PCDHGA6: variants seen among roughly 807,000 people sequenced by gnomAD.
The protein encoded by PCDHGA6 is protocadherin gamma-A6.
In PCDHGA6, 41 loss-of-function variants were observed where a neutral mutation model predicts 60.6. That is an observed-to-expected ratio of 0.68 (90% confidence interval 0.53 to 0.88). The LOEUF is 0.88. Ranked by LOEUF, PCDHGA6 falls within the 40% of genes least tolerant of loss-of-function variation. PCDHGA6 has a pLI of 0.00. For synonymous variants in PCDHGA6, 594 were observed against 524.4 expected, an observed-to-expected ratio of 1.13 and a Z score of -1.81; for missense variants, 1,312 against 1,203.0, an observed-to-expected ratio of 1.09 and a Z score of -1.34.
rs765887978 is a variant in PCDHGA6 at position 141,486,476 on chromosome 5, C to T, written c.2425-8331C>T. The T allele has an allele frequency of 8.7e-6, 14 of 1,613,934 alleles. No homozygotes were observed. The highest frequency in any genetic ancestry group is 1.7e-5 in the Admixed American group (1 of 60,016). ...TGCTTCTGATGCTGGGAACCCTCCT[C>T]TCAGTACCCACAGAACTATTTTCCT... On this transcript the variant is annotated intron_variant, in intron 1 of 3. Transcript: ENST00000517434. This position sits in a 1 kb window ranked among gnomAD's most constrained non-coding sequence, Gnocchi z 5.0.
chr5:141,472,928 G>A (rs926768431), intron 1 of PCDHGA6, among the ~76,000 whole-genome samples: 13 of 150,136 alleles, frequency 8.7e-5, no homozygotes, highest in Admixed American at 2.7e-4. Flanking sequence ...GGAGGTTGTG[G>A]TGAGCCAAGA....
In PCDHGA6 at chr5:141,432,927, G is replaced by T. The variant is rs774982939; in HGVS notation, c.2424+56420G>T. ...AGGCTGCGGCGCTGGCACAAGTCAC[G>T]CCTGCTGCAGGCTTCAGGAGGCGGC... is the stretch of plus-strand genomic sequence containing the variant. On this transcript the variant is annotated intron_variant, in intron 1 of 3. Coordinates refer to ENST00000517434, the MANE Select transcript of PCDHGA6 (RefSeq NM_018919.3). This position sits in a 1 kb window ranked among gnomAD's most constrained non-coding sequence, Gnocchi z 6.0. 1.9e-6 allele frequency: 3 copies of T among 1,614,162 alleles called. No homozygotes were observed. In the Admixed American group the frequency reaches 5.0e-5, roughly 27 times the overall value.
chr5:141,388,007 G>A (rs2091194433), intron 1 of PCDHGA6: 1 of 1,480,702 alleles, frequency 6.8e-7, no homozygotes, highest in Non-Finnish European at 9.1e-7. Context: ...CCGAGGAAAT[G>A]CCCAAGGGCT....
chr5:141,413,456 T>C (rs2095643709), intron 1 of PCDHGA6: 30 of 1,613,982 alleles, frequency 1.9e-5, no homozygotes, highest in South Asian at 2.2e-5. Flanking sequence ...GCGGGCAGGA[T>C]AGACCGGGAG....
chr5:141,407,985 A>G, intron 1 of PCDHGA6: 1 of 789,616 alleles, frequency 1.3e-6, no homozygotes, highest in Non-Finnish European at 1.9e-6. Flanking sequence ...GGGATCCGTC[A>G]GCCTCTGGCC....
Position 141,512,495 on chromosome 5 carries a change from C to T in PCDHGA6, c.*1322C>T, listed in dbSNP as rs2099884264. 1 of 152,920 alleles carries T rather than the reference C, an allele frequency of 6.5e-6. No homozygotes were observed. The highest frequency in any genetic ancestry group is 1.5e-5 in the Non-Finnish European group (1 of 68,240). The allele number at this position is 152,920 out of a possible 1,614,324, so 9.5% of individuals were successfully genotyped here. A position where few individuals can be genotyped will look rare whatever the true frequency, so the allele number is the denominator to read the frequency against. On this transcript the variant is annotated 3_prime_UTR_variant, in exon 4 of 4. Coordinates refer to ENST00000517434, the MANE Select transcript of PCDHGA6 (RefSeq NM_018919.3). ...TTCCGTGAAGGCCACTGCCCAGGTCCCCAGTGCGCCCCCTAGTGGCCATAG... is the reference window on the plus strand; with the variant it reads ...TTCCGTGAAGGCCACTGCCCAGGTCTCCAGTGCGCCCCCTAGTGGCCATAG...
Position 141,485,244 on chromosome 5 carries a change from T to G in PCDHGA6, c.2425-9563T>G. 5 of 1,614,168 alleles carry G rather than the reference T, an allele frequency of 3.1e-6. No individual in the cohort carries two copies. Among genetic ancestry groups the G allele is most frequent in the Non-Finnish European group, 4.2e-6 (5 of 1,180,006 alleles). On this transcript the variant is annotated intron_variant, in intron 1 of 3. Transcript: ENST00000517434. This position sits in a 1 kb window ranked among gnomAD's most constrained non-coding sequence, Gnocchi z 5.7. Reference sequence around the variant, plus strand: ...ACCCTTTTGTTCCTCTTTTACCACCTGGGTTACGTTTGTGGGCAGATCCGC... The same window carrying G: ...ACCCTTTTGTTCCTCTTTTACCACCGGGGTTACGTTTGTGGGCAGATCCGC...
chr5:141,478,381 C>A (rs931860600), intron 1 of PCDHGA6: 1 of 1,613,664 alleles, frequency 6.2e-7, no homozygotes, highest in Admixed American at 1.7e-5. Flanking sequence ...TGTCGCCGCA[C>A]CTTTACCATC....
intron 1 of PCDHGA6, among the ~76,000 whole-genome samples, chr5:141,462,029 G>A (rs535977332): frequency 6.6e-6 from 1 of 152,260 alleles, no homozygotes; most frequent in East Asian, 1.9e-4. Context: ...CTTCATGTTG[G>A]TCAGGCGGGT....
chr5:141,499,677 T>C (rs2099793326), intron 2 of PCDHGA6, among the ~76,000 whole-genome samples: 1 of 151,690 alleles, frequency 6.6e-6, no homozygotes, highest in African/African-American at 2.4e-5. Flanking sequence ...CTCCACCATC[T>C]TTAACAGATG....
intron 1 of PCDHGA6, chr5:141,441,038 G>A (rs1263659082): frequency 6.6e-6 from 1 of 152,156 alleles, no homozygotes; most frequent in African/African-American, 2.4e-5. Context: ...AAAACTTTAA[G>A]TACATTGGAC....
intron 1 of PCDHGA6, chr5:141,407,996 TGG>T: frequency 1.1e-6 from 1 of 872,310 alleles, no homozygotes; most frequent in South Asian, 2.0e-5. Flanking sequence ...GCCTCTGGCC[TGG>T]GATTCCCTGC....
At chr5:141,379,214 T>A (rs1775449550) in intron 1 of PCDHGA6, 1 of 152,234 alleles carries the variant, frequency 6.6e-6, no homozygotes, top group Non-Finnish European at 1.5e-5. Flanking sequence ...CTGCTAAGAG[T>A]AATATGTGTT....
At chr5:141,443,330 C>A (rs1005631067) in intron 1 of PCDHGA6, among the ~76,000 whole-genome samples, 44 of 139,282 alleles carry the variant, frequency 3.2e-4, no homozygotes, top group African/African-American at 4.5e-4. Flanking sequence ...AAAAAAAAAA[C>A]AAAAATTAAC....
At position 141,376,374 on chromosome 5, in the gene PCDHGA6, G is replaced by GT. The variant is rs778102910; in HGVS notation, c.2292dup (p.Lys765Ter). 18 of 1,614,072 alleles carry GT rather than the reference G, an allele frequency of 1.1e-5. No homozygotes were observed. The highest frequency in any genetic ancestry group is 1.1e-4 in the East Asian group (5 of 44,894). On this transcript the variant is annotated frameshift_variant, in exon 1 of 4. Transcript: ENST00000517434. LOFTEE classifies it high-confidence loss of function. ...GAGGTCTCACTCACTGCAGACTCGCGTAAGAGTCATCTGATTTTCCCCCAG... is the reference window on the plus strand; with the variant it reads ...GAGGTCTCACTCACTGCAGACTCGCGTTAAGAGTCATCTGATTTTCCCCCAG...
chr5:141,418,669 C>G, intron 1 of PCDHGA6: 1 of 1,614,018 alleles, frequency 6.2e-7, no homozygotes, highest in Non-Finnish European at 8.5e-7. Flanking sequence ...CTGACCAGGA[C>G]GAGGGCATCA....
At position 141,438,956 on chromosome 5, in the gene PCDHGA6, G is replaced by A. The variant is rs140181975; in HGVS notation, c.2425-55851G>A. 3.9e-3 allele frequency among the ~76,000 whole-genome samples: 592 copies of A among 151,974 alleles called. 6 individuals are homozygous for A. Among genetic ancestry groups the A allele is most frequent in the Admixed American group, 0.011 (171 of 15,242 alleles). On this transcript the variant is annotated intron_variant, in intron 1 of 3. Coordinates refer to ENST00000517434, the MANE Select transcript of PCDHGA6 (RefSeq NM_018919.3). ...GCTGGGATTATAGGCATGAGCCACCGCACCCTGCCAACTGTCTGACTTATC... is the reference window on the plus strand; with the variant it reads ...GCTGGGATTATAGGCATGAGCCACCACACCCTGCCAACTGTCTGACTTATC...
rs1772581943 is a variant in PCDHGA6, at chr5:141,376,341, A to G, written c.2258A>G (p.Tyr753Cys). 2 of 1,614,152 alleles carry G rather than the reference A, an allele frequency of 1.2e-6. No individual in the cohort carries two copies. The highest frequency in any genetic ancestry group is 1.7e-6 in the Non-Finnish European group (2 of 1,180,032). Reference sequence around the variant, plus strand: ...GGGGTTCGGGCTTTCCTGCAGACCTATTCCCACGAGGTCTCACTCACTGCA... The same window carrying G: ...GGGGTTCGGGCTTTCCTGCAGACCTGTTCCCACGAGGTCTCACTCACTGCA... Reference protein sequence around the residue: ...VEGVRAFLQTYSHEVSLTADS... With the variant: ...VEGVRAFLQTCSHEVSLTADS... Residue 753 changes from tyrosine (Y) to cysteine (C), a missense_variant, in exon 1 of 4, where the codon TAT (tyrosine) becomes TGT (cysteine). Coordinates refer to ENST00000517434, the MANE Select transcript of PCDHGA6 (RefSeq NM_018919.3).
rs745457172 is a variant in PCDHGA6 at position 141,490,744 on chromosome 5, C to T, written c.2425-4063C>T. The stretch of plus-strand genomic sequence containing the variant: ...TGTAGGAAATCAGGTTCAGGGAGCC[C>T]CAGCCTCCTCCTTTGTGTATGTCAA... On this transcript the variant is annotated intron_variant, in intron 1 of 3. Coordinates refer to ENST00000517434, the MANE Select transcript of PCDHGA6 (RefSeq NM_018919.3). The surrounding 1 kb of genome is among the most constrained non-coding windows in gnomAD (Gnocchi z 5.4). 1 of 1,614,142 alleles carries T rather than the reference C, an allele frequency of 6.2e-7. No homozygotes were observed. Among genetic ancestry groups the T allele is most frequent in the Non-Finnish European group, 8.5e-7 (1 of 1,180,006 alleles).
Sources: gnomAD v4.1 joint callset for allele counts (sites outside exome capture counted in the v4.1 genomes callset) on GRCh38, gnomAD v4.1.1 for gene constraint, Gnocchi (gnomAD v3.1) non-coding constraint, MANE v1.5 for transcripts, NCBI Gene and HGNC (gene_info 2026-07-23, HGNC 2026-07-21) for gene names.